INSYN2B: variants seen among roughly 807,000 people sequenced by gnomAD.
The protein encoded by INSYN2B is protein INSYN2B.
In INSYN2B, 16 loss-of-function variants were observed where a neutral mutation model predicts 41.2. The ratio of observed to expected loss-of-function variants is 0.39; its 90% CI spans 0.26 to 0.59. The LOEUF (loss-of-function observed/expected upper bound fraction) is 0.59. Among genes scored for constraint, INSYN2B ranks in the 20% least tolerant of loss-of-function variants. The pLI is 0.57. For synonymous variants in INSYN2B, 245 were observed against 244.4 expected, an observed-to-expected ratio of 1.00 and a Z score of -0.02; for missense variants, 608 against 646.4, an observed-to-expected ratio of 0.94 and a Z score of 0.64.
chr5:169,875,167 A>G, intron 3 of INSYN2B: 2 of 455,140 alleles, frequency 4.4e-6, no homozygotes, highest in South Asian at 3.1e-5. Flanking sequence ...TCTTCTTTCA[A>G]GACCCTGATT....
chr5:169,942,516 T>C (rs1776282104), intron 1 of INSYN2B, among the ~76,000 whole-genome samples: 1 of 152,246 alleles, frequency 6.6e-6, no homozygotes, highest in Non-Finnish European at 1.5e-5. Context: ...TTGAACTCAT[T>C]TGCAAGGATC....
At chr5:169,949,897 C>T (rs1447876544) in intron 1 of INSYN2B, among the ~76,000 whole-genome samples, 1 of 152,038 alleles carries the variant, frequency 6.6e-6, no homozygotes, top group Non-Finnish European at 1.5e-5. Context: ...GTGCTCATAT[C>T]AGTTAGTAAC....
intron 1 of INSYN2B, among the ~76,000 whole-genome samples, chr5:169,979,556 T>C (rs1332034954): frequency 6.6e-6 from 1 of 152,208 alleles, no homozygotes; most frequent in East Asian, 1.9e-4. Context: ...CCATTTCAGG[T>C]TATCAATCAT....
intron 1 of INSYN2B, among the ~76,000 whole-genome samples, chr5:169,933,617 C>T (rs756976212): frequency 1.3e-5 from 2 of 152,184 alleles, no homozygotes; most frequent in African/African-American, 2.4e-5. Flanking sequence ...TTTCTTCCTT[C>T]GTTCGGCCTC....
At chr5:169,876,944 C>T (rs147099138) in intron 3 of INSYN2B, among the ~76,000 whole-genome samples, 238 of 152,298 alleles carry the variant, frequency 1.6e-3, no homozygotes, top group Non-Finnish European at 2.8e-3. Flanking sequence ...CTTTGAGAGA[C>T]TAGCCATTTG....
chr5:169,948,562 A>G (rs1035243059), intron 1 of INSYN2B, among the ~76,000 whole-genome samples: 3 of 150,768 alleles, frequency 2.0e-5, no homozygotes, highest in Non-Finnish European at 4.4e-5. Context: ...ATCTCTCTTT[A>G]TCCCTCCCTC....
At chr5:169,952,947 G>A (rs1356993896) in intron 1 of INSYN2B, among the ~76,000 whole-genome samples, 1 of 152,218 alleles carries the variant, frequency 6.6e-6, no homozygotes, top group East Asian at 1.9e-4. Context: ...TAGGTTGATT[G>A]TGGTAAAGGG....
At position 169,864,301 on chromosome 5, in the gene INSYN2B, A is replaced by G. The variant is rs1237731102; in HGVS notation, c.1580T>C (p.Val527Ala). The change falls in exon 4 of 4, where the codon GTG becomes GCG. Residue 527 changes from valine (V) to alanine (A), a missense_variant. Transcript: ENST00000377365. ...KQDLRRKTKK[V>A]KKKCFWWI ...GATCCACCAGAAGCATTTCTTTTTCACCTTCTTGGTTTTCCGCCTTAAGTC... is the reference window on the plus strand; with the variant it reads ...GATCCACCAGAAGCATTTCTTTTTCGCCTTCTTGGTTTTCCGCCTTAAGTC... 6.4e-7 allele frequency: 1 copy of G among 1,551,132 alleles called. No homozygotes were observed. The highest frequency in any genetic ancestry group is 1.2e-5 in the South Asian group (1 of 84,034).
intron 1 of INSYN2B, among the ~76,000 whole-genome samples, chr5:169,935,943 C>T (rs1355676593): frequency 6.6e-6 from 1 of 152,200 alleles, no homozygotes; most frequent in East Asian, 1.9e-4. Context: ...AGTTTCCTGT[C>T]TCTAACCACA....
intron 1 of INSYN2B, among the ~76,000 whole-genome samples, chr5:169,929,962 A>G (rs6896240): frequency 0.62 from 94,678 of 152,000 alleles, 30,663 homozygotes; most frequent in African/African-American, 0.82. Context: ...ATGTGACTGA[A>G]GAATAGAACT....
intron 1 of INSYN2B, among the ~76,000 whole-genome samples, chr5:169,963,505 A>G (rs1386313383): frequency 3.3e-5 from 5 of 152,054 alleles, no homozygotes; most frequent in Non-Finnish European, 7.4e-5. Context: ...CTCATTGTAC[A>G]ATTGTGCATG....
At chr5:169,933,500 A>G (rs1037970003) in intron 1 of INSYN2B, among the ~76,000 whole-genome samples, 1 of 152,264 alleles carries the variant, frequency 6.6e-6, no homozygotes, top group Non-Finnish European at 1.5e-5. Flanking sequence ...AAATAAATTC[A>G]GAACTGTGTT....
intron 1 of INSYN2B, among the ~76,000 whole-genome samples, chr5:169,928,483 A>C (rs1207114716): frequency 6.6e-6 from 1 of 152,214 alleles, no homozygotes; most frequent in Non-Finnish European, 1.5e-5. Flanking sequence ...TTCCCCATGC[A>C]TCAGTGCTGC....
At chr5:169,902,250 C>T (rs1336323768) in intron 1 of INSYN2B, among the ~76,000 whole-genome samples, 9 of 152,224 alleles carry the variant, frequency 5.9e-5, no homozygotes, top group Non-Finnish European at 1.5e-5. Flanking sequence ...AAAGCTGTCA[C>T]AGGAGCAAAG....
rs1372470589 is a variant in INSYN2B at position 169,980,374 on chromosome 5, A to T, written c.-1016T>A. 1.3e-5 allele frequency: 2 copies of T among 152,232 alleles called. No individual in the cohort carries two copies. Among genetic ancestry groups the T allele is most frequent in the African/African-American group, 4.8e-5 (2 of 41,452 alleles). 9.4% of individuals were successfully genotyped at this position (152,232 alleles called of 1,614,324 possible). On this transcript the variant is annotated 5_prime_UTR_variant, in exon 1 of 4. Coordinates refer to ENST00000377365, the MANE Select transcript of INSYN2B (RefSeq NM_001129891.3). ...CAAAATTACTCCAAAAGAAGGAATA[A>T]TAAGTCCTTCATATTGTAATTTTCA...
intron 1 of INSYN2B, among the ~76,000 whole-genome samples, chr5:169,970,378 A>T (rs530225096): frequency 5.9e-5 from 9 of 152,254 alleles, no homozygotes; most frequent in Admixed American, 5.9e-4. Context: ...AGGTTCATTT[A>T]TCCTGGGCAT....
chr5:169,898,290 C>A (rs1773725461), intron 1 of INSYN2B, among the ~76,000 whole-genome samples: 1 of 152,200 alleles, frequency 6.6e-6, no homozygotes, highest in Non-Finnish European at 1.5e-5. Flanking sequence ...TGGGAAGGGC[C>A]ATATATTGCT....
intron 1 of INSYN2B, among the ~76,000 whole-genome samples, chr5:169,960,761 G>T (rs891126919): frequency 6.6e-6 from 1 of 152,124 alleles, no homozygotes; most frequent in African/African-American, 2.4e-5. Flanking sequence ...AATATTAAAT[G>T]GAAAATCCAC....
At chr5:169,887,974 A>T (rs1773068178) in intron 1 of INSYN2B, among the ~76,000 whole-genome samples, 1 of 152,210 alleles carries the variant, frequency 6.6e-6, no homozygotes, top group Non-Finnish European at 1.5e-5. Context: ...CTCGATATGG[A>T]ATTTATATGA....
Sources: gnomAD v4.1 joint callset for allele counts (sites outside exome capture counted in the v4.1 genomes callset) on GRCh38, gnomAD v4.1.1 for gene constraint, MANE v1.5 for transcripts, NCBI Gene and HGNC (gene_info 2026-07-23, HGNC 2026-07-21) for gene names.